STARD8: variants seen among roughly 807,000 people sequenced by gnomAD.
STARD8 encodes the protein stAR-related lipid transfer protein 8.
A neutral mutation model predicts 69.4 loss-of-function variants in STARD8; 25 were observed. That is an observed-to-expected ratio of 0.36 (90% confidence interval 0.26 to 0.50). The LOEUF (loss-of-function observed/expected upper bound fraction) is 0.50, where lower values mean the gene tolerates loss of function less well. Among genes scored for constraint, STARD8 ranks in the 20% least tolerant of loss-of-function variants. The pLI, the probability that STARD8 is intolerant of heterozygous loss-of-function variation, is 0.96. For synonymous variants in STARD8, 389 were observed against 374.6 expected (o/e 1.04, Z -0.45); for missense variants, 921 against 932.5 (o/e 0.99, Z 0.16).
chrX:68,653,311 C>G (rs2079582115), intron 1 of STARD8, among the ~76,000 whole-genome samples: 1 of 20,595 alleles, frequency 4.9e-5, no homozygotes, highest in African/African-American at 1.5e-4. Context: ...ACACACCACA[C>G]CACACACCAC....
intron 1 of STARD8, among the ~76,000 whole-genome samples, chrX:68,652,960 ACACAC>A: frequency 2.2e-5 from 1 of 45,531 alleles, no homozygotes; most frequent in South Asian, 1.2e-3. Flanking sequence ...CACCACACAC[ACACAC>A]CACACACCAC....
chrX:68,721,398 C>T (rs1007459606), intron 9 of STARD8, 138 bp from the exon 10 acceptor site: 3 of 665,475 alleles, frequency 4.5e-6, no homozygotes, highest in Non-Finnish European at 6.8e-6. Flanking sequence ...CCAGAGACCT[C>T]ACAGAACTGA....
chrX:68,647,794 C>G lies in STARD8; in HGVS notation c.-89C>G. 1.8e-6 allele frequency: 2 copies of G among 1,109,843 alleles called. No homozygotes were observed. The highest frequency in any genetic ancestry group is 2.0e-5 in the South Asian group (1 of 49,798). The allele number at this position is 1,109,843 out of a possible 1,213,427, so 91.5% of individuals were successfully genotyped here. On this transcript the variant is annotated 5_prime_UTR_variant, in exon 1 of 15. Coordinates refer to ENST00000374599, the MANE Select transcript of STARD8 (RefSeq NM_001142503.3). ...GGGACCGGGCTGGCTCTCGCCGAGC[C>G]CCGGGCCTCTTTTAGCCTCGTCCCC...
chrX:68,718,549 G>A lies in STARD8; in HGVS notation c.1635G>A (p.Gly545=), dbSNP rs2080118363. ...CCATGAATGAGGCTGAGGCTGCGGG[G>A]CCCCTGGCTGGACTCCAGGCATCAA... The part of the protein sequence containing the change: ...GNSMNEAEAA[G]PLAGLQASMP... The change falls in exon 6 of 15, where the codon GGG becomes GGA. Residue 545 remains glycine (G), a synonymous_variant. Coordinates refer to ENST00000374599, the MANE Select transcript of STARD8 (RefSeq NM_001142503.3). 1 of 1,210,732 alleles carries A rather than the reference G, an allele frequency of 8.3e-7. No homozygotes were observed. Among genetic ancestry groups the A allele is most frequent in the African/African-American group, 1.7e-5 (1 of 57,466 alleles).
At chrX:68,653,088 C>T (rs1224508592) in intron 1 of STARD8, among the ~76,000 whole-genome samples, 1 of 75,505 alleles carries the variant, frequency 1.3e-5, no homozygotes, top group Non-Finnish European at 2.5e-5. Flanking sequence ...CACCACACCA[C>T]ACACCACACA....
chrX:68,718,587 G>A lies in STARD8; in HGVS notation c.1673G>A (p.Arg558Gln), dbSNP rs1773311889. The change falls in exon 6 of 15, where the codon CGG (arginine) becomes CAG (glutamine). Residue 558 changes from arginine to glutamine, a missense_variant. Arg to Gln is a conservative substitution (Grantham distance 43). Transcript: ENST00000374599. ...AGLQASMPRE[R>Q]RDSGVGASLT... ...CTCCAGGCATCAATGCCCCGTGAAC[G>A]GCGCGATTCAGGTGTTGGGGCCTCA... The A allele has an allele frequency of 1.7e-6, 2 of 1,208,552 alleles. No homozygotes were observed. Among genetic ancestry groups the A allele is most frequent in the Non-Finnish European group, 2.2e-6 (2 of 893,891 alleles).
At chrX:68,709,754 T>C (rs1342265165) in intron 2 of STARD8, among the ~76,000 whole-genome samples, 1 of 110,732 alleles carries the variant, frequency 9.0e-6, no homozygotes, top group African/African-American at 3.3e-5. Context: ...ACCCAGGAGT[T>C]TGAGCCTGCA....
Position 68,717,203 on chromosome X carries a change from C to T in STARD8, c.298-9C>T. 1 of 1,181,634 alleles carries T rather than the reference C, an allele frequency of 8.5e-7. No homozygotes were observed. The highest frequency in any genetic ancestry group is 1.1e-6 in the Non-Finnish European group (1 of 879,349). ...CTTCTCTGACCTGATCCTGCAGTGC[C>T]TTTCCCAGAATGAAGACTCAGAAGA... On this transcript the variant is annotated splice_polypyrimidine_tract_variant and intron_variant, in intron 5 of 14. Coordinates refer to ENST00000374599, the MANE Select transcript of STARD8 (RefSeq NM_001142503.3).
chrX:68,652,958 ACACACAC>A (rs1228661782), intron 1 of STARD8, among the ~76,000 whole-genome samples: 122 of 23,140 alleles, frequency 5.3e-3, no homozygotes, highest in Non-Finnish European at 8.0e-3. Context: ...CACACCACAC[ACACACAC>A]CACACACCAC....
At chrX:68,702,103 A>G (rs929471738) in intron 2 of STARD8, among the ~76,000 whole-genome samples, 4 of 112,296 alleles carry the variant, frequency 3.6e-5, no homozygotes, top group Non-Finnish European at 5.6e-5. Context: ...AGGCCAGTCC[A>G]TGGTAGCCTG....
At chrX:68,690,796 A>G (rs1390631006) in intron 2 of STARD8, among the ~76,000 whole-genome samples, 1 of 112,180 alleles carries the variant, frequency 8.9e-6, no homozygotes, top group Non-Finnish European at 1.9e-5. Flanking sequence ...TTCCTAATCC[A>G]GGGCTCATTC....
chrX:68,651,592 C>G (rs1201378498), intron 1 of STARD8, among the ~76,000 whole-genome samples: 1 of 111,123 alleles, frequency 9.0e-6, no homozygotes, highest in Non-Finnish European at 1.9e-5. Context: ...CTCAGATCAT[C>G]TTATTCAAAC....
intron 2 of STARD8, among the ~76,000 whole-genome samples, chrX:68,672,475 A>G (rs1478972808): frequency 9.0e-6 from 1 of 111,658 alleles, no homozygotes; most frequent in Non-Finnish European, 1.9e-5. Context: ...ATCGTTTCTC[A>G]CAGTCCTGAT....
At chrX:68,682,806 T>C (rs2079808945) in intron 2 of STARD8, among the ~76,000 whole-genome samples, 1 of 112,617 alleles carries the variant, frequency 8.9e-6, no homozygotes, top group Non-Finnish European at 1.9e-5. Flanking sequence ...TAAGGAGGTG[T>C]GTTCTGGGAA....
At chrX:68,651,187 C>T (rs765067843) in intron 1 of STARD8, among the ~76,000 whole-genome samples, 34 of 112,662 alleles carry the variant, frequency 3.0e-4, no homozygotes, top group African/African-American at 1.1e-3. Flanking sequence ...GCATGAGGGA[C>T]ACACAGAGAC....
At chrX:68,713,105 C>A in intron 3 of STARD8, 120 bp downstream of exon 3, 1 of 727,385 alleles carries the variant, frequency 1.4e-6, no homozygotes, top group Non-Finnish European at 2.0e-6. Context: ...CCTGGCCCTG[C>A]TCCGATTTTT....
chrX:68,698,059 C>A (rs1423179649), intron 2 of STARD8, among the ~76,000 whole-genome samples: 1 of 112,324 alleles, frequency 8.9e-6, no homozygotes, highest in Non-Finnish European at 1.9e-5. Flanking sequence ...CTTAAAGAGA[C>A]CATATCCTGA....
chrX:68,671,876 A>G (rs1325372030), intron 2 of STARD8, among the ~76,000 whole-genome samples: 5 of 112,108 alleles, frequency 4.5e-5, no homozygotes, highest in Admixed American at 1.9e-4. Flanking sequence ...TGAAAGGAAG[A>G]CAGAGTTATG....
At chrX:68,682,424 C>T (rs1326292216) in intron 2 of STARD8, among the ~76,000 whole-genome samples, 5 of 112,485 alleles carry the variant, frequency 4.4e-5, no homozygotes, top group Non-Finnish European at 9.4e-5. Flanking sequence ...CCTTATTGGG[C>T]AGGAAGACAT....
Sources: allele counts gnomAD v4.1 joint callset (sites outside exome capture counted in the v4.1 genomes callset), GRCh38; gene constraint gnomAD v4.1.1; transcripts MANE v1.5; gene names NCBI Gene and HGNC (gene_info 2026-07-23, HGNC 2026-07-21).